Variants in ANKRD17 observed in about 807,000 individuals in gnomAD.
ANKRD17 encodes the protein ankyrin repeat domain-containing protein 17.
Under a neutral mutation model 229.7 loss-of-function variants are expected in ANKRD17, and 19 were observed. That is an observed-to-expected ratio of 0.08 (90% CI 0.06 to 0.12). ANKRD17 has a LOEUF of 0.12. Ranked by LOEUF, ANKRD17 falls within the 10% of genes least tolerant of loss-of-function variation. The pLI is 1.00. For missense variants in ANKRD17, 2,176 were observed against 3,176.8 expected, an observed-to-expected ratio of 0.68 and a Z score of 7.57; for synonymous variants, 1,112 against 1,146.1, an observed-to-expected ratio of 0.97 and a Z score of 0.60.
At chr4:73,113,188 A>G in intron 24 of ANKRD17, 4 of 1,285,960 alleles carry the variant, frequency 3.1e-6, no homozygotes, top group Non-Finnish European at 4.1e-6. Context: ...TCTAGAGTAC[A>G]GAATTATAGG....
intron 1 of ANKRD17, among the ~76,000 whole-genome samples, chr4:73,229,011 T>C (rs1742789846): frequency 6.6e-6 from 1 of 152,182 alleles, no homozygotes; most frequent in South Asian, 2.1e-4. Flanking sequence ...GAAACCATCA[T>C]TCTCAGCAAA....
At chr4:73,128,699 ATATAT>A (rs1727798796) in intron 16 of ANKRD17, among the ~76,000 whole-genome samples, 1 of 152,152 alleles carries the variant, frequency 6.6e-6, no homozygotes, top group South Asian at 2.1e-4. Flanking sequence ...AAGCATAATA[ATATAT>A]TATGAGATTT....
rs78399685 is a variant in ANKRD17 at position 73,184,485 on chromosome 4, C to T, written c.394-6952G>A. On this transcript the variant is annotated intron_variant, in intron 1 of 33. Transcript: ENST00000358602. ...CAGAGGTTGCTGTGAGCCAAGATAG[C>T]GCCATTGCACCCAGCCTGAGGGACA... Among the ~76,000 whole-genome samples, 1,342 of 140,260 alleles carry T rather than the reference C, an allele frequency of 9.6e-3. 13 individuals are homozygous for T. Among genetic ancestry groups the T allele is most frequent in the Middle Eastern group, 0.034 (9 of 266 alleles). The allele number at this position is 140,260 out of a possible 152,430, so 92.0% of individuals were successfully genotyped here.
intron 1 of ANKRD17, among the ~76,000 whole-genome samples, chr4:73,249,796 C>A (rs1309350040): frequency 2.6e-5 from 4 of 152,186 alleles, no homozygotes; most frequent in African/African-American, 4.8e-5. Context: ...GCGGAGGTTG[C>A]AGTGAGACGG....
chr4:73,157,154 T>A (rs1487546306), intron 3 of ANKRD17, among the ~76,000 whole-genome samples: 2 of 152,176 alleles, frequency 1.3e-5, no homozygotes, highest in Non-Finnish European at 2.9e-5. Flanking sequence ...AGAAAATTTT[T>A]TATAAAATTT....
rs549173232 is a variant in ANKRD17 at position 73,227,246 on chromosome 4, C to T, written c.393+31030G>A. 2.0e-4 allele frequency among the ~76,000 whole-genome samples: 31 copies of T among 151,618 alleles called. 1 individual carries two copies. The South Asian group carries it at 4.0e-3, about 19-fold the overall frequency. ...TCAGCTCACTGCAACCTCTGCCTCC[C>T]GGGTTCAAGTGATTCTCCTGCCTCA... On this transcript the variant is annotated intron_variant, in intron 1 of 33. Transcript: ENST00000358602.
chr4:73,218,220 A>G (rs988189497), intron 1 of ANKRD17, among the ~76,000 whole-genome samples: 2 of 152,254 alleles, frequency 1.3e-5, no homozygotes, highest in African/African-American at 2.4e-5. Context: ...TTCAGAATGC[A>G]TAAGGGATAT....
At chr4:73,170,541 G>C (rs554107279) in intron 2 of ANKRD17, among the ~76,000 whole-genome samples, 103 of 151,734 alleles carry the variant, frequency 6.8e-4, no homozygotes, top group African/African-American at 2.3e-3. Context: ...GGGTCGGGGG[G>C]CGGGGGGCTG....
intron 1 of ANKRD17, among the ~76,000 whole-genome samples, chr4:73,245,832 G>C (rs981958143): frequency 3.3e-5 from 5 of 152,232 alleles, no homozygotes; most frequent in East Asian, 1.9e-4. Context: ...TTAGGACTAA[G>C]AGATATTTTG....
chr4:73,178,625 G>A (rs1185952457), intron 1 of ANKRD17, among the ~76,000 whole-genome samples: 1 of 152,024 alleles, frequency 6.6e-6, no homozygotes, highest in African/African-American at 2.4e-5. Context: ...AAAAAGTCAA[G>A]TAACATCTCA....
Position 73,142,808 on chromosome 4 carries a change from G to GT in ANKRD17, c.1958-42dup, listed in dbSNP as rs755307001. ...CATGGAAAATCATATTAGTAGAATG[G>GT]TTTTTCTTAAAATTATGGTAAATTT... On this transcript the variant is annotated intron_variant, in intron 11 of 33. Transcript: ENST00000358602. 2.4e-5 allele frequency: 37 copies of GT among 1,564,930 alleles called. No individual in the cohort carries two copies. The African/African-American group carries it at 3.7e-4, about 16-fold the overall frequency.
chr4:73,098,891 C>A, intron 25 of ANKRD17: 2 of 1,227,696 alleles, frequency 1.6e-6, no homozygotes, highest in South Asian at 2.4e-5. Context: ...CACTGAGAAG[C>A]GGGGCCGGGG....
chr4:73,083,066 A>G (rs1721740349), intron 30 of ANKRD17, among the ~76,000 whole-genome samples: 1 of 152,330 alleles, frequency 6.6e-6, no homozygotes, highest in East Asian at 1.9e-4. Flanking sequence ...ACAGAGGAAT[A>G]TATGATGAGG....
chr4:73,251,519 T>G (rs2149283741), intron 1 of ANKRD17, among the ~76,000 whole-genome samples: 1 of 151,970 alleles, frequency 6.6e-6, no homozygotes, highest in South Asian at 2.1e-4. Context: ...CCCTAATGAC[T>G]TACTTTTTTT....
intron 5 of ANKRD17, 78 bp downstream of exon 5, chr4:73,155,553 A>C: frequency 6.5e-7 from 1 of 1,545,038 alleles, no homozygotes; most frequent in Non-Finnish European, 8.9e-7. Flanking sequence ...AATTAGCACT[A>C]AACATCACTT....
At chr4:73,090,147 C>T (rs1182221858) in intron 29 of ANKRD17, among the ~76,000 whole-genome samples, 2 of 152,150 alleles carry the variant, frequency 1.3e-5, no homozygotes, top group African/African-American at 2.4e-5. Context: ...CTGTGGCTCA[C>T]GCCTGTAATC....
At chr4:73,144,936 A>G in intron 10 of ANKRD17, 104 bp from the exon 11 acceptor site, 2 of 645,300 alleles carry the variant, frequency 3.1e-6, no homozygotes, top group South Asian at 6.3e-5. Flanking sequence ...TTCTGAATCT[A>G]AATATTTAAA....
At chr4:73,076,354 CT>C in intron 33 of ANKRD17, 64 bp from the exon 34 acceptor site, 1 of 1,326,332 alleles carries the variant, frequency 7.5e-7, no homozygotes, top group African/African-American at 1.5e-5. Flanking sequence ...TAAAATAAAA[CT>C]TTTAAAAAAC....
chr4:73,175,988 GA>G lies in ANKRD17; in HGVS notation c.547+1391del, dbSNP rs146454432. On this transcript the variant is annotated intron_variant, in intron 2 of 33. Transcript: ENST00000358602. ...ATCAAGTTAAAAAGCTTCTGCACAG[GA>G]AAAAAAAAAAAATCAACAAACTGAA... Among the ~76,000 whole-genome samples the G allele has an allele frequency of 2.1e-3, 290 of 137,978 alleles. 2 individuals are homozygous for G. The highest frequency in any genetic ancestry group is 0.012 in the South Asian group (53 of 4,448). 90.5% of individuals were successfully genotyped at this position (137,978 alleles called of 152,430 possible). A position where few individuals can be genotyped will look rare whatever the true frequency, so the allele number is the denominator to read the frequency against.
Sources: allele counts gnomAD v4.1 joint callset (sites outside exome capture counted in the v4.1 genomes callset), GRCh38; gene constraint gnomAD v4.1.1; transcripts MANE v1.5; gene names NCBI Gene and HGNC (gene_info 2026-07-23, HGNC 2026-07-21).